Variants in AMPH observed in about 807,000 individuals in gnomAD.
AMPH encodes the protein amphiphysin.
In AMPH, 49 loss-of-function variants were observed where a neutral mutation model predicts 99.1. The ratio of observed to expected loss-of-function variants is 0.49; its 90% CI spans 0.39 to 0.63. The LOEUF (loss-of-function observed/expected upper bound fraction) is 0.63. Among genes scored for constraint, AMPH ranks in the 20% least tolerant of loss-of-function variants. The pLI is 0.00. For synonymous variants in AMPH, 314 were observed against 317.3 expected, an observed-to-expected ratio of 0.99 and a Z score of 0.11; for missense variants, 759 against 863.4, an observed-to-expected ratio of 0.88 and a Z score of 1.52.
chr7:38,505,755 T>C (rs1272633938), intron 2 of AMPH, among the ~76,000 whole-genome samples: 2 of 152,110 alleles, frequency 1.3e-5, no homozygotes, highest in Non-Finnish European at 2.9e-5. Flanking sequence ...GATGAAGTTC[T>C]CAATACCACC....
intron 17 of AMPH, among the ~76,000 whole-genome samples, chr7:38,402,480 A>C (rs1784866987): frequency 6.6e-6 from 1 of 152,234 alleles, no homozygotes; most frequent in Admixed American, 6.5e-5. Flanking sequence ...GTAGACGTGG[A>C]AACATTTTCT....
chr7:38,440,710 T>A (rs1453664054), intron 11 of AMPH, among the ~76,000 whole-genome samples: 2 of 152,002 alleles, frequency 1.3e-5, no homozygotes, highest in Non-Finnish European at 2.9e-5. Context: ...TAATTGAAAG[T>A]TAGACTGTGA....
chr7:38,520,269 G>T (rs1312936245), intron 2 of AMPH, among the ~76,000 whole-genome samples: 1 of 152,104 alleles, frequency 6.6e-6, no homozygotes, highest in Non-Finnish European at 1.5e-5. Context: ...ACTCTCCCTA[G>T]TCATAGTATA....
rs780270965 is a variant in AMPH at position 38,476,946 on chromosome 7, C to T, written c.420G>A (p.Arg140=). 1 of 1,613,766 alleles carries T rather than the reference C, an allele frequency of 6.2e-7. No individual in the cohort carries two copies. The highest frequency in any genetic ancestry group is 1.3e-5 in the African/African-American group (1 of 74,978). Residue 140 remains arginine, a synonymous_variant, in exon 6 of 21, where the codon AGG becomes AGA. Coordinates refer to ENST00000356264, the MANE Select transcript of AMPH (RefSeq NM_001635.4). Reference sequence around the variant, plus strand: ...GGGCACTGTCATAGTCCACTAGCTTCCTGCTGCGCTTGGCGATGCGATTCT... The same window carrying T: ...GGGCACTGTCATAGTCCACTAGCTTTCTGCTGCGCTTGGCGATGCGATTCT... ...DIKNRIAKRS[R]KLVDYDSARH...
intron 19 of AMPH, among the ~76,000 whole-genome samples, chr7:38,390,534 T>G (rs931118023): frequency 1.3e-5 from 2 of 152,224 alleles, no homozygotes; most frequent in African/African-American, 4.8e-5. Context: ...GCTGATTTTA[T>G]TTTTCCCACC....
At chr7:38,415,226 G>A (rs775520381) in intron 17 of AMPH, among the ~76,000 whole-genome samples, 4 of 152,040 alleles carry the variant, frequency 2.6e-5, no homozygotes, top group Non-Finnish European at 5.9e-5. Flanking sequence ...GAAATTATAC[G>A]TGCCTCTTTA....
chr7:38,554,286 T>C (rs917280363), intron 1 of AMPH, among the ~76,000 whole-genome samples: 2 of 152,236 alleles, frequency 1.3e-5, no homozygotes, highest in East Asian at 3.8e-4. Flanking sequence ...AAATGCATCC[T>C]GGGCCTTCCT....
intron 7 of AMPH, among the ~76,000 whole-genome samples, chr7:38,473,363 G>A (rs1308830797): frequency 6.6e-6 from 1 of 152,022 alleles, no homozygotes; most frequent in Non-Finnish European, 1.5e-5. Flanking sequence ...CTTAAGTAAG[G>A]ACAAAAACAA....
At chr7:38,486,844 A>T (rs976815088) in intron 5 of AMPH, among the ~76,000 whole-genome samples, 2 of 152,160 alleles carry the variant, frequency 1.3e-5, no homozygotes, top group Non-Finnish European at 2.9e-5. Context: ...TCCTTTCAGT[A>T]GATGTAGAAA....
intron 17 of AMPH, among the ~76,000 whole-genome samples, chr7:38,399,235 C>A (rs76080894): frequency 0.058 from 8,829 of 152,254 alleles, 357 homozygotes; most frequent in East Asian, 0.19. Flanking sequence ...TGTTTACTTA[C>A]CACGTTGATT....
intron 7 of AMPH, among the ~76,000 whole-genome samples, chr7:38,470,614 G>C (rs1787848304): frequency 2.6e-5 from 4 of 152,108 alleles, no homozygotes; most frequent in African/African-American, 9.6e-5. Context: ...TGCTCTCAAA[G>C]GTTCTGCTTT....
intron 1 of AMPH, among the ~76,000 whole-genome samples, chr7:38,575,275 C>T (rs1483727026): frequency 6.6e-6 from 1 of 151,982 alleles, no homozygotes; most frequent in Admixed American, 6.6e-5. Context: ...CTAGATAATA[C>T]AGTCATTAAT....
chr7:38,592,819 T>C (rs1218059428), intron 1 of AMPH, among the ~76,000 whole-genome samples: 1 of 152,074 alleles, frequency 6.6e-6, no homozygotes, highest in Non-Finnish European at 1.5e-5. Flanking sequence ...GCATCTCGGT[T>C]CACTAATCAA....
chr7:38,464,820 C>A (rs866283757), intron 9 of AMPH, among the ~76,000 whole-genome samples: 18 of 152,068 alleles, frequency 1.2e-4, no homozygotes, highest in Admixed American at 2.6e-4. Flanking sequence ...GTAAAGTCTA[C>A]GAAGGATGGA....
chr7:38,551,412 A>G (rs1042346953), intron 1 of AMPH, among the ~76,000 whole-genome samples: 2 of 152,104 alleles, frequency 1.3e-5, no homozygotes, highest in Admixed American at 6.5e-5. Flanking sequence ...TGCTTCTTTC[A>G]CATTTACAGT....
At chr7:38,606,260 G>A (rs1793430568) in intron 1 of AMPH, among the ~76,000 whole-genome samples, 1 of 152,124 alleles carries the variant, frequency 6.6e-6, no homozygotes, top group Non-Finnish European at 1.5e-5. Context: ...CTTTTTAAAT[G>A]TGTAACTCAG....
intron 15 of AMPH, 51 bp from the exon 16 acceptor site, chr7:38,422,528 A>G: frequency 7.1e-7 from 1 of 1,403,950 alleles, no homozygotes; most frequent in Non-Finnish European, 1.0e-6. Context: ...TATTTAAATC[A>G]GCTACCATCA....
chr7:38,424,011 C>G (rs1475267353), intron 15 of AMPH, among the ~76,000 whole-genome samples: 1 of 152,198 alleles, frequency 6.6e-6, no homozygotes, highest in Non-Finnish European at 1.5e-5. Context: ...TCTCGCCACT[C>G]TGCTCCCATT....
chr7:38,418,141 C>T (rs1785452477), intron 16 of AMPH, 191 bp from the exon 17 acceptor site: 2 of 483,194 alleles, frequency 4.1e-6, no homozygotes, highest in Non-Finnish European at 6.9e-6. Context: ...GAAATAAAAT[C>T]TTATTAAGCT....
Sources: gnomAD v4.1 joint callset for allele counts (sites outside exome capture counted in the v4.1 genomes callset) on GRCh38, gnomAD v4.1.1 for gene constraint, MANE v1.5 for transcripts, NCBI Gene and HGNC (gene_info 2026-07-23, HGNC 2026-07-21) for gene names.